Variants in PACRG observed in about 807,000 individuals in gnomAD.
PACRG encodes the protein parkin coregulated gene protein.
A neutral mutation model predicts 29.7 loss-of-function variants in PACRG; 29 were observed. That is an observed-to-expected ratio of 0.98 (90% confidence interval 0.73 to 1.33). The LOEUF (loss-of-function observed/expected upper bound fraction) is 1.33. Among genes scored for constraint, PACRG ranks in the 40% most tolerant of loss-of-function variants. The pLI is 0.00. For synonymous variants in PACRG, 116 were observed against 118.7 expected (o/e 0.98, Z 0.15); for missense variants, 279 against 316.2 (o/e 0.88, Z 0.89).
chr6:162,907,806 C>T (rs576744063), intron 2 of PACRG, among the ~76,000 whole-genome samples: 58 of 152,264 alleles, frequency 3.8e-4, no homozygotes, highest in Non-Finnish European at 6.3e-4. Context: ...CTTCAGGGTA[C>T]GTCTGTCCTC....
chr6:163,235,612 G>A (rs1462718245), intron 4 of PACRG, among the ~76,000 whole-genome samples: 1 of 152,162 alleles, frequency 6.6e-6, no homozygotes, highest in Admixed American at 6.5e-5. Flanking sequence ...AAGGAAATGT[G>A]CCTAAATTCA....
At chr6:163,200,473 G>A (rs1158142856) in intron 4 of PACRG, among the ~76,000 whole-genome samples, 6 of 152,062 alleles carry the variant, frequency 3.9e-5, no homozygotes, top group East Asian at 1.9e-4. Flanking sequence ...GAGTCTAAAC[G>A]CCAAGGGTAT....
At chr6:163,173,110 C>T (rs1026366162) in intron 4 of PACRG, among the ~76,000 whole-genome samples, 2 of 152,166 alleles carry the variant, frequency 1.3e-5, no homozygotes, top group African/African-American at 2.4e-5. Flanking sequence ...TGTGTGAATA[C>T]ACACACGTTA....
At chr6:162,747,688 A>G (rs1444190678) in intron 1 of PACRG, among the ~76,000 whole-genome samples, 1 of 151,446 alleles carries the variant, frequency 6.6e-6, no homozygotes, top group Non-Finnish European at 1.5e-5. Flanking sequence ...TGAGCGAGCC[A>G]GGATAGGACT....
chr6:162,886,250 C>T (rs1219995730), intron 2 of PACRG, among the ~76,000 whole-genome samples: 1 of 152,120 alleles, frequency 6.6e-6, no homozygotes, highest in African/African-American at 2.4e-5. Flanking sequence ...ACTTCTCTTC[C>T]TGGACAAGTC....
At chr6:162,958,479 G>A (rs1220413210) in intron 2 of PACRG, among the ~76,000 whole-genome samples, 1 of 151,858 alleles carries the variant, frequency 6.6e-6, no homozygotes, top group Non-Finnish European at 1.5e-5. Flanking sequence ...AATCATATTT[G>A]GTAGCTCCTC....
At chr6:162,929,971 G>T (rs1397629205) in intron 2 of PACRG, among the ~76,000 whole-genome samples, 1 of 151,776 alleles carries the variant, frequency 6.6e-6, no homozygotes, top group Non-Finnish European at 1.5e-5. Flanking sequence ...ATGCTCATTT[G>T]GTTGCTATAG....
intron 1 of PACRG, among the ~76,000 whole-genome samples, chr6:162,788,310 A>G (rs929855222): frequency 6.6e-6 from 1 of 152,158 alleles, no homozygotes; most frequent in African/African-American, 2.4e-5. Context: ...ATATGCATTT[A>G]AGATCTCTCC....
intron 2 of PACRG, among the ~76,000 whole-genome samples, chr6:162,889,257 A>G (rs1794588514): frequency 6.6e-6 from 1 of 152,074 alleles, no homozygotes; most frequent in Admixed American, 6.6e-5. Context: ...ATGATACCAC[A>G]TTTTCTACAT....
chr6:163,307,351 G>A (rs928361106), intron 4 of PACRG, among the ~76,000 whole-genome samples: 23 of 152,196 alleles, frequency 1.5e-4, no homozygotes, highest in Admixed American at 1.3e-3. Context: ...GCTGGGAATC[G>A]AGTGCTTACT....
chr6:163,017,090 G>C (rs907834157), intron 2 of PACRG, among the ~76,000 whole-genome samples: 6 of 152,052 alleles, frequency 3.9e-5, no homozygotes, highest in African/African-American at 1.4e-4. Context: ...GCTACTTTCA[G>C]TTAACTTTTC....
At chr6:163,125,283 T>C (rs1214367070) in intron 4 of PACRG, among the ~76,000 whole-genome samples, 2 of 152,200 alleles carry the variant, frequency 1.3e-5, no homozygotes, top group Admixed American at 1.3e-4. Flanking sequence ...TGTAAAAATA[T>C]TAAATCTATA....
intron 1 of PACRG, among the ~76,000 whole-genome samples, chr6:162,809,595 T>A (rs2128353619): frequency 6.6e-6 from 1 of 152,302 alleles, no homozygotes; most frequent in African/African-American, 2.4e-5. Context: ...TTAAGAATTT[T>A]GAGCTGAGAA....
intron 4 of PACRG, among the ~76,000 whole-genome samples, chr6:163,092,328 C>T (rs1814182904): frequency 1.4e-5 from 2 of 142,216 alleles, no homozygotes; most frequent in South Asian, 4.7e-4. Flanking sequence ...CCCAGGCTTC[C>T]AGTCTTTTCA....
intron 4 of PACRG, among the ~76,000 whole-genome samples, chr6:163,143,274 G>A (rs1013403716): frequency 1.3e-5 from 2 of 152,146 alleles, no homozygotes; most frequent in African/African-American, 4.8e-5. Flanking sequence ...CACCTCAACA[G>A]CTACTCATGA....
chr6:163,137,693 C>T (rs1371435081), intron 4 of PACRG, among the ~76,000 whole-genome samples: 1 of 151,272 alleles, frequency 6.6e-6, no homozygotes, highest in Admixed American at 6.6e-5. Context: ...AAAGTGCTTA[C>T]TGGTACCAGG....
intron 2 of PACRG, among the ~76,000 whole-genome samples, chr6:162,849,372 A>G (rs1790675175): frequency 6.6e-6 from 1 of 152,234 alleles, no homozygotes; most frequent in Non-Finnish European, 1.5e-5. Context: ...CTGCAGCTAT[A>G]GTCAGCTCCC....
intron 2 of PACRG, among the ~76,000 whole-genome samples, chr6:162,981,131 A>G (rs907691115): frequency 4.6e-5 from 7 of 151,940 alleles, no homozygotes; most frequent in African/African-American, 1.7e-4. Context: ...GTGATAACAT[A>G]CGATGTTTGG....
chr6:163,090,293 C>T (rs906834669), intron 4 of PACRG: 1 of 152,160 alleles, frequency 6.6e-6, no homozygotes, highest in Non-Finnish European at 1.5e-5. Context: ...CTGCTCCAGG[C>T]ATAGACTATT....
Sources: allele counts gnomAD v4.1 joint callset (sites outside exome capture counted in the v4.1 genomes callset), GRCh38; gene constraint gnomAD v4.1.1; transcripts MANE v1.5; gene names NCBI Gene and HGNC (gene_info 2026-07-23, HGNC 2026-07-21).